Variants in PPM1B observed in about 807,000 individuals in gnomAD.
PPM1B encodes the protein protein phosphatase, Mg2+/Mn2+ dependent 1B, also known as protein phosphatase 1B.
Under a neutral mutation model 43.0 loss-of-function variants are expected in PPM1B, and 22 were observed. That is an observed-to-expected ratio of 0.51 (90% CI 0.37 to 0.73). The LOEUF is 0.73. Among genes scored for constraint, PPM1B ranks in the 30% least tolerant of loss-of-function variants. PPM1B has a pLI of 0.00. For synonymous variants in PPM1B, 217 were observed against 197.9 expected (o/e 1.10, Z -0.81); for missense variants, 632 against 584.2 (o/e 1.08, Z -0.84).
intron 5 of PPM1B, among the ~76,000 whole-genome samples, chr2:44,224,644 T>C (rs1670133357): frequency 6.6e-6 from 1 of 152,024 alleles, no homozygotes; most frequent in South Asian, 2.1e-4. Flanking sequence ...AGTTAGTATT[T>C]TCATCATGAG....
intron 1 of PPM1B, among the ~76,000 whole-genome samples, chr2:44,198,934 A>G (rs1668788918): frequency 6.6e-6 from 1 of 152,182 alleles, no homozygotes; most frequent in African/African-American, 2.4e-5. Flanking sequence ...TTTCATTACA[A>G]TCACAAGTAT....
intron 1 of PPM1B, among the ~76,000 whole-genome samples, chr2:44,171,077 C>T (rs1490699669): frequency 6.6e-6 from 1 of 152,042 alleles, no homozygotes; most frequent in Non-Finnish European, 1.5e-5. Flanking sequence ...TTTATTTGAG[C>T]TTTCATACTG....
chr2:44,230,960 T>C lies in PPM1B; in HGVS notation c.*242T>C. ...TCATTTCACATTGTATGCCAGAAAT[T>C]AGGCTACCAATTATGAATTAAAGTC... On this transcript the variant is annotated 3_prime_UTR_variant, in exon 6 of 6. Transcript: ENST00000282412. 9.1e-7 allele frequency: 1 copy of C among 1,102,136 alleles called. No individual in the cohort carries two copies. Among genetic ancestry groups the C allele is most frequent in the South Asian group, 3.3e-5 (1 of 30,748 alleles). The allele number at this position is 1,102,136 out of a possible 1,614,324, so 68.3% of individuals were successfully genotyped here. A position where few individuals can be genotyped will look rare whatever the true frequency, so the allele number is the denominator to read the frequency against.
At chr2:44,213,957 G>A (rs1669602493) in intron 3 of PPM1B, among the ~76,000 whole-genome samples, 1 of 152,160 alleles carries the variant, frequency 6.6e-6, no homozygotes, top group Non-Finnish European at 1.5e-5. Flanking sequence ...AAACTGGGTA[G>A]TTTTTATTTT....
chr2:44,245,857 G>T (rs574955288), downstream of PPM1B, among the ~76,000 whole-genome samples: 12 of 152,324 alleles, frequency 7.9e-5, 1 homozygote, highest in South Asian at 2.5e-3. Context: ...ATGAAACCTT[G>T]AGCTTCCTTC....
intron 5 of PPM1B, among the ~76,000 whole-genome samples, chr2:44,241,250 C>G (rs1670739141): frequency 7.0e-6 from 1 of 142,076 alleles, no homozygotes. Context: ...TGATCCGCCC[C>G]CCTTGGCCTC....
intron 1 of PPM1B, among the ~76,000 whole-genome samples, chr2:44,190,747 C>T (rs529093757): frequency 6.7e-6 from 1 of 150,192 alleles, no homozygotes; most frequent in Admixed American, 6.6e-5. Flanking sequence ...ATTGCATTTT[C>T]ACACTCCATA....
At chr2:44,177,790 T>G (rs1442266345) in intron 1 of PPM1B, among the ~76,000 whole-genome samples, 1 of 151,828 alleles carries the variant, frequency 6.6e-6, no homozygotes, top group Non-Finnish European at 1.5e-5. Context: ...ATACAGAATT[T>G]TTTTTTTTTT....
chr2:44,188,749 TCC>T (rs1668252546), intron 1 of PPM1B, among the ~76,000 whole-genome samples: 1 of 148,268 alleles, frequency 6.7e-6, no homozygotes, highest in Non-Finnish European at 1.5e-5. Context: ...TTTCCTTCCT[TCC>T]TTCCTTCCTT....
downstream of PPM1B, among the ~76,000 whole-genome samples, chr2:44,238,980 GGAGGGA>G (rs1287080418): frequency 6.6e-6 from 1 of 151,750 alleles, no homozygotes; most frequent in East Asian, 1.9e-4. Flanking sequence ...GGAGGGGAGA[GGAGGGA>G]GAGGGAGAGA....
At chr2:44,189,991 C>CT (rs1668326746) in intron 1 of PPM1B, among the ~76,000 whole-genome samples, 1 of 152,032 alleles carries the variant, frequency 6.6e-6, no homozygotes, top group Admixed American at 6.6e-5. Context: ...ACTAGAAACA[C>CT]TTTTATCATG....
intron 1 of PPM1B, among the ~76,000 whole-genome samples, chr2:44,172,359 C>T (rs61558970): frequency 0.041 from 6,267 of 152,244 alleles, 419 homozygotes; most frequent in African/African-American, 0.14. Flanking sequence ...TATACTCAAA[C>T]ATTGATGGTG....
chr2:44,230,316 T>G, intron 5 of PPM1B, 97 bp from the exon 6 acceptor site: 1 of 1,528,392 alleles, frequency 6.5e-7, no homozygotes, highest in Non-Finnish European at 8.8e-7. Context: ...ATATTACTTT[T>G]CGGTAGAGAA....
At chr2:44,238,462 G>T (rs911170140), downstream of PPM1B, among the ~76,000 whole-genome samples, 9 of 152,112 alleles carry the variant, frequency 5.9e-5, no homozygotes, top group African/African-American at 2.2e-4. Context: ...AGCAGTTTGG[G>T]AGGCCGAGGT....
intron 1 of PPM1B, among the ~76,000 whole-genome samples, chr2:44,188,386 T>A (rs538830253): frequency 4.5e-5 from 6 of 133,054 alleles, no homozygotes; most frequent in Non-Finnish European, 1.5e-5. Flanking sequence ...AGTTTCTTTC[T>A]TTCTTTCTTT....
chr2:44,187,975 C>A (rs748742944), intron 1 of PPM1B, among the ~76,000 whole-genome samples: 3 of 152,206 alleles, frequency 2.0e-5, no homozygotes, highest in Non-Finnish European at 4.4e-5. Flanking sequence ...TGGTCTCAAT[C>A]TCCTGACCTC....
At chr2:44,239,438 T>C (rs1209132980), downstream of PPM1B, among the ~76,000 whole-genome samples, 1 of 143,476 alleles carries the variant, frequency 7.0e-6, no homozygotes, top group Non-Finnish European at 1.6e-5. Context: ...ACTGTTTTTC[T>C]TTTTTTCTTT....
chr2:44,233,079 T>C, downstream of PPM1B: 1 of 982,516 alleles, frequency 1.0e-6, no homozygotes, highest in Non-Finnish European at 1.2e-6. Context: ...TGCTTTGACA[T>C]CTCACTGTTG....
intron 1 of PPM1B, among the ~76,000 whole-genome samples, chr2:44,192,607 CA>C (rs1668460257): frequency 6.6e-6 from 1 of 152,148 alleles, no homozygotes; most frequent in Non-Finnish European, 1.5e-5. Flanking sequence ...CATATGTATG[CA>C]GTGTAAAATG....
Sources: gnomAD v4.1 joint callset for allele counts (sites outside exome capture counted in the v4.1 genomes callset) on GRCh38, gnomAD v4.1.1 for gene constraint, MANE v1.5 for transcripts, NCBI Gene and HGNC (gene_info 2026-07-23, HGNC 2026-07-21) for gene names.